Variants in ELP4 observed in about 807,000 individuals in gnomAD.
ELP4 encodes elongator complex protein 4.
In ELP4, 51 loss-of-function variants were observed where a neutral mutation model predicts 48.9. The observed-to-expected ratio is 1.04, with a 90% CI of 0.83 to 1.32. The LOEUF (loss-of-function observed/expected upper bound fraction) is 1.32, where lower values mean the gene tolerates loss of function less well. Ranked by LOEUF, ELP4 falls within the 40% of genes most tolerant of loss-of-function variation. The probability of loss-of-function intolerance (pLI) is 0.00; values close to 1 mark genes in which losing one functional copy is unlikely to be tolerated. For synonymous variants in ELP4, 210 were observed against 189.2 expected, an observed-to-expected ratio of 1.11 and a Z score of -0.90; for missense variants, 519 against 514.6, an observed-to-expected ratio of 1.01 and a Z score of -0.08.
chr11:31,642,365 T>C (rs974019455), intron 7 of ELP4, among the ~76,000 whole-genome samples: 1 of 151,878 alleles, frequency 6.6e-6, no homozygotes, highest in Non-Finnish European at 1.5e-5. Context: ...GAACCAATAT[T>C]TTCATATCAA....
intron 3 of ELP4, among the ~76,000 whole-genome samples, chr11:31,580,065 A>G (rs1185230535): frequency 1.3e-5 from 2 of 152,170 alleles, no homozygotes; most frequent in East Asian, 3.8e-4. Context: ...TAATGGATGG[A>G]GGTAAGCAGG....
rs565379744 is a variant in ELP4 at position 31,692,634 on chromosome 11, T to A, written c.1143+42413T>A. On this transcript the variant is annotated intron_variant, in intron 9 of 9. Transcript: ENST00000640961. Reference sequence around the variant, plus strand: ...ACAGCTCCCAGTTCTGTACCTTGGCTTTGCAGAAAAGCAGGAGATCAGCAA... The same window carrying A: ...ACAGCTCCCAGTTCTGTACCTTGGCATTGCAGAAAAGCAGGAGATCAGCAA... Among the ~76,000 whole-genome samples, 24 of 152,278 alleles carry A rather than the reference T, an allele frequency of 1.6e-4. No individual in the cohort carries two copies. The South Asian group carries it at 5.0e-3, about 32-fold the overall frequency.
intron 9 of ELP4, among the ~76,000 whole-genome samples, chr11:31,710,513 T>G (rs1426335707): frequency 6.6e-6 from 1 of 151,828 alleles, no homozygotes; most frequent in Non-Finnish European, 1.5e-5. Context: ...TAGTCCCAGC[T>G]ATTCTGGAGG....
intron 9 of ELP4, among the ~76,000 whole-genome samples, chr11:31,694,919 G>A (rs1946366633): frequency 6.6e-6 from 1 of 152,112 alleles, no homozygotes; most frequent in Admixed American, 6.6e-5. Context: ...TCTCTTTGAA[G>A]CAGTTGTGAA....
chr11:31,601,148 G>T (rs902714951), intron 4 of ELP4, among the ~76,000 whole-genome samples: 1 of 150,376 alleles, frequency 6.6e-6, no homozygotes, highest in African/African-American at 2.5e-5. Flanking sequence ...TTTTGTAGAT[G>T]ATAATTATTT....
At chr11:31,750,292 C>T (rs1303155104) in intron 9 of ELP4, among the ~76,000 whole-genome samples, 2 of 152,152 alleles carry the variant, frequency 1.3e-5, no homozygotes, top group Admixed American at 1.3e-4. Context: ...GGAAATCAGC[C>T]TCAGTGTGGG....
chr11:31,645,574 A>C (rs1945182262), intron 7 of ELP4: 1 of 151,776 alleles, frequency 6.6e-6, no homozygotes, highest in South Asian at 2.1e-4. Flanking sequence ...TGAATAGATG[A>C]GTTCTAACAA....
intron 9 of ELP4, among the ~76,000 whole-genome samples, chr11:31,669,702 A>T (rs1258527435): frequency 6.6e-6 from 1 of 152,158 alleles, no homozygotes; most frequent in African/African-American, 2.4e-5. Flanking sequence ...TACGTATTAA[A>T]CATATGTGGA....
intron 9 of ELP4, among the ~76,000 whole-genome samples, chr11:31,678,440 G>C (rs1036021345): frequency 6.6e-6 from 1 of 151,666 alleles, no homozygotes; most frequent in African/African-American, 2.4e-5. Context: ...GACATATCAA[G>C]ACCCTGTCTC....
chr11:31,617,698 CAAAT>C (rs1454986278), intron 5 of ELP4, among the ~76,000 whole-genome samples: 2 of 139,528 alleles, frequency 1.4e-5, no homozygotes, highest in African/African-American at 5.3e-5. Context: ...AGTAAAATGA[CAAAT>C]AAAGATATTC....
chr11:31,731,928 A>T (rs1947198770), intron 9 of ELP4, among the ~76,000 whole-genome samples: 2 of 152,210 alleles, frequency 1.3e-5, no homozygotes, highest in Admixed American at 6.5e-5. Context: ...TGAAAAAAAA[A>T]ATTGCCAACA....
chr11:31,573,939 A>G (rs1957226624), intron 3 of ELP4, among the ~76,000 whole-genome samples: 1 of 152,168 alleles, frequency 6.6e-6, no homozygotes, highest in Non-Finnish European at 1.5e-5. Flanking sequence ...AGGGGATAGG[A>G]CTTCAATGTA....
chr11:31,517,023 C>G (rs1339744346), intron 1 of ELP4, among the ~76,000 whole-genome samples: 1 of 152,080 alleles, frequency 6.6e-6, no homozygotes, highest in Non-Finnish European at 1.5e-5. Flanking sequence ...TTGAAATGTT[C>G]TACATATTGT....
At chr11:31,633,402 G>A (rs1211247050) in intron 7 of ELP4, 1 of 152,034 alleles carries the variant, frequency 6.6e-6, no homozygotes, top group Non-Finnish European at 1.5e-5. Flanking sequence ...GGGTAACATA[G>A]CAAGTCCCCA....
chr11:31,701,731 T>TTA (rs1406347257), intron 9 of ELP4, among the ~76,000 whole-genome samples: 1 of 150,062 alleles, frequency 6.7e-6, no homozygotes. Context: ...TATACACACA[T>TTA]TATATATATT....
intron 3 of ELP4, among the ~76,000 whole-genome samples, chr11:31,552,677 T>G (rs1225952354): frequency 6.6e-6 from 1 of 152,192 alleles, no homozygotes; most frequent in Admixed American, 6.6e-5. Context: ...CCTCCCTGTT[T>G]CTACCTTTGC....
intron 9 of ELP4, among the ~76,000 whole-genome samples, chr11:31,768,516 AAAT>A (rs1159053413): frequency 6.6e-6 from 1 of 152,250 alleles, no homozygotes; most frequent in Non-Finnish European, 1.5e-5. Context: ...AATATGACAA[AAAT>A]AATATTATAG....
chr11:31,524,556 G>T (rs898650263), intron 2 of ELP4, among the ~76,000 whole-genome samples: 1 of 152,180 alleles, frequency 6.6e-6, no homozygotes, highest in South Asian at 2.1e-4. Context: ...AAGGGGAAGA[G>T]ATACACAAAG....
intron 9 of ELP4, among the ~76,000 whole-genome samples, chr11:31,702,109 CT>C (rs1342365151): frequency 2.0e-5 from 3 of 152,016 alleles, no homozygotes; most frequent in Non-Finnish European, 4.4e-5. Flanking sequence ...GATGGAAAGA[CT>C]TTAAGCACTG....
Sources: allele counts gnomAD v4.1 joint callset (sites outside exome capture counted in the v4.1 genomes callset), GRCh38; gene constraint gnomAD v4.1.1; transcripts MANE v1.5; gene names NCBI Gene and HGNC (gene_info 2026-07-23, HGNC 2026-07-21).